AKT3: variants seen among roughly 807,000 people sequenced by gnomAD.
AKT3 encodes the protein RAC-gamma serine/threonine-protein kinase.
AKT3 carries 15 observed loss-of-function variants against 65.3 expected under a neutral mutation model. The observed-to-expected ratio is 0.23, with a 90% confidence interval of 0.15 to 0.35. AKT3 has a LOEUF of 0.35. AKT3 is among the 10% of genes least tolerant of loss of function. The probability of loss-of-function intolerance (pLI) is 1.00; values close to 1 mark genes in which losing one functional copy is unlikely to be tolerated. For synonymous variants in AKT3, 206 were observed against 183.8 expected (o/e 1.12, Z -0.98); for missense variants, 243 against 576.5 (o/e 0.42, Z 5.92).
intron 5 of AKT3, among the ~76,000 whole-genome samples, chr1:243,638,132 A>T (rs535503740): frequency 2.9e-4 from 44 of 152,272 alleles, no homozygotes; most frequent in African/African-American, 7.7e-4. Context: ...AAATATGCCT[A>T]AAAAAGCAGT....
chr1:243,674,606 T>A (rs1007173277), intron 3 of AKT3, among the ~76,000 whole-genome samples: 3 of 152,176 alleles, frequency 2.0e-5, no homozygotes, highest in African/African-American at 7.2e-5. Flanking sequence ...GTCTCTTTAA[T>A]AAGTGAATGT....
In AKT3 at chr1:243,616,369, A is replaced by G. The variant is rs78401943; in HGVS notation, c.562-1208T>C. On this transcript the variant is annotated intron_variant, in intron 6 of 13. Transcript: ENST00000673466. ...TCCTACTGTAGGTGATCATTTTAAA[A>G]TGTAAGTATATTTCAAACCAAAAAT... Among the ~76,000 whole-genome samples, 1,443 of 150,170 alleles carry G rather than the reference A, an allele frequency of 9.6e-3. 5 individuals are homozygous for G. The highest frequency in any genetic ancestry group is 0.021 in the Middle Eastern group (6 of 292).
At chr1:243,627,236 GT>G (rs1679238143) in intron 6 of AKT3, among the ~76,000 whole-genome samples, 1 of 151,820 alleles carries the variant, frequency 6.6e-6, no homozygotes, top group Non-Finnish European at 1.5e-5. Flanking sequence ...GCTCACACCT[GT>G]AATCCCAGCA....
intron 12 of AKT3, among the ~76,000 whole-genome samples, chr1:243,529,484 G>C (rs1671378491): frequency 1.3e-5 from 2 of 152,006 alleles, no homozygotes; most frequent in African/African-American, 4.8e-5. Context: ...TGTAAGAAAG[G>C]GGTCCAGTTT....
intron 6 of AKT3, among the ~76,000 whole-genome samples, chr1:243,626,235 G>C (rs1679149452): frequency 6.6e-6 from 1 of 152,160 alleles, no homozygotes; most frequent in African/African-American, 2.4e-5. Flanking sequence ...AAATAAGACT[G>C]AATCACAAGT....
At chr1:243,541,523 C>T (rs1202949134) in intron 12 of AKT3, among the ~76,000 whole-genome samples, 1 of 151,924 alleles carries the variant, frequency 6.6e-6, no homozygotes, top group Non-Finnish European at 1.5e-5. Flanking sequence ...AAATCAGTCG[C>T]GTCCTCAAGG....
chr1:243,527,527 T>C (rs1020304288), intron 12 of AKT3, among the ~76,000 whole-genome samples: 2 of 152,176 alleles, frequency 1.3e-5, no homozygotes, highest in African/African-American at 2.4e-5. Context: ...AACAAGGCTT[T>C]AGCAGTCAGC....
chr1:243,579,019 G>C lies in AKT3; in HGVS notation c.697-5971C>G, dbSNP rs114092568. 6.6e-3 allele frequency among the ~76,000 whole-genome samples: 1,007 copies of C among 152,320 alleles called. 10 individuals are homozygous for C. The highest frequency in any genetic ancestry group is 0.023 in the African/African-American group (942 of 41,562). On this transcript the variant is annotated intron_variant, in intron 8 of 13. Coordinates refer to ENST00000673466, the MANE Select transcript of AKT3 (RefSeq NM_005465.7). ...TTGAGCTTGCAGAGAGCTTCTGAGG[G>C]ACATCAGCTAAGGTAGTAGTAACAG...
chr1:243,663,602 C>T (rs905853869), intron 4 of AKT3, among the ~76,000 whole-genome samples: 2 of 152,120 alleles, frequency 1.3e-5, no homozygotes, highest in African/African-American at 4.8e-5. Flanking sequence ...CAGTGCTTAA[C>T]TCTTTTCTAT....
chr1:243,527,019 C>G (rs541957946), intron 12 of AKT3, among the ~76,000 whole-genome samples: 4 of 151,920 alleles, frequency 2.6e-5, no homozygotes, highest in African/African-American at 9.7e-5. Context: ...ACAGCAAATA[C>G]GTAAGAAAAT....
intron 3 of AKT3, among the ~76,000 whole-genome samples, chr1:243,684,137 T>C (rs187521210): frequency 6.1e-4 from 93 of 151,988 alleles, no homozygotes; most frequent in Admixed American, 7.2e-4. Flanking sequence ...AATTGAATAC[T>C]TTTTTTTGTA....
chr1:243,744,102 G>T (rs1316722984), intron 2 of AKT3, among the ~76,000 whole-genome samples: 1 of 152,252 alleles, frequency 6.6e-6, no homozygotes, highest in Non-Finnish European at 1.5e-5. Context: ...ATAAACTAGG[G>T]TCTAGTCATG....
rs566991695 is a variant in AKT3 at position 243,527,456 on chromosome 1, G to T, written c.1252-15030C>A. Among the ~76,000 whole-genome samples the T allele has an allele frequency of 4.6e-5, 7 of 152,220 alleles. No individual in the cohort carries two copies. The South Asian group carries it at 1.5e-3, about 32-fold the overall frequency. On this transcript the variant is annotated intron_variant, in intron 12 of 13. Coordinates refer to ENST00000673466, the MANE Select transcript of AKT3 (RefSeq NM_005465.7). ...ATACCTCTTAAATCTTTTCTAAGTTGTGCTTTATATAATACTTATATAATT... is the reference window on the plus strand; with the variant it reads ...ATACCTCTTAAATCTTTTCTAAGTTTTGCTTTATATAATACTTATATAATT...
intron 4 of AKT3, among the ~76,000 whole-genome samples, chr1:243,659,573 G>A (rs1156537149): frequency 2.6e-5 from 4 of 151,834 alleles, no homozygotes; most frequent in Non-Finnish European, 5.9e-5. Flanking sequence ...AAGGTCAAAG[G>A]GGAAAAAAAG....
At chr1:243,522,125 A>G (rs1670757278) in intron 12 of AKT3, among the ~76,000 whole-genome samples, 1 of 152,348 alleles carries the variant, frequency 6.6e-6, no homozygotes, top group African/African-American at 2.4e-5. Context: ...GTGTTAAAGG[A>G]CAAGTTGCAT....
intron 10 of AKT3, 135 bp downstream of exon 10, chr1:243,563,585 A>G: frequency 1.8e-6 from 2 of 1,081,884 alleles, no homozygotes; most frequent in Non-Finnish European, 2.5e-6. Flanking sequence ...ACAAATTAAG[A>G]GCCAAAAAAT....
At chr1:243,596,859 A>C (rs892494961) in intron 8 of AKT3, among the ~76,000 whole-genome samples, 2 of 152,242 alleles carry the variant, frequency 1.3e-5, no homozygotes, top group Non-Finnish European at 2.9e-5. Context: ...ATGACTTCAC[A>C]ATAAAAGAAA....
chr1:243,575,327 CA>C (rs1163015563), intron 8 of AKT3, among the ~76,000 whole-genome samples: 1 of 152,078 alleles, frequency 6.6e-6, no homozygotes, highest in Non-Finnish European at 1.5e-5. Context: ...TAGTGAGTAT[CA>C]ATTATTTTAA....
chr1:243,748,583 T>C (rs1688617168), intron 2 of AKT3, among the ~76,000 whole-genome samples: 1 of 152,182 alleles, frequency 6.6e-6, no homozygotes, highest in Non-Finnish European at 1.5e-5. Context: ...TCACAAACTT[T>C]AATGTAGAAT....
Sources: gnomAD v4.1 joint callset for allele counts (sites outside exome capture counted in the v4.1 genomes callset) on GRCh38, gnomAD v4.1.1 for gene constraint, MANE v1.5 for transcripts, NCBI Gene and HGNC (gene_info 2026-07-23, HGNC 2026-07-21) for gene names.